The following DAB1 variants were observed in gnomAD, a reference collection of about 807,000 sequenced individuals.
DAB1 encodes the protein DAB adaptor protein 1.
In DAB1, 15 loss-of-function variants were observed where a neutral mutation model predicts 64.6. The observed-to-expected ratio is 0.23, with a 90% confidence interval of 0.16 to 0.36. DAB1 has a LOEUF of 0.36. Among genes scored for constraint, DAB1 ranks in the 10% least tolerant of loss-of-function variants. The pLI, the probability that DAB1 is intolerant of heterozygous loss-of-function variation, is 1.00. For missense variants in DAB1, 596 were observed against 706.7 expected, an observed-to-expected ratio of 0.84 and a Z score of 1.78; for synonymous variants, 235 against 251.9, an observed-to-expected ratio of 0.93 and a Z score of 0.64.
intron 6 of DAB1, among the ~76,000 whole-genome samples, chr1:57,687,599 C>CAAAAAAAAAAAAAAAAAAAAAA (rs57316234): frequency 3.6e-4 from 30 of 82,438 alleles, no homozygotes; most frequent in Admixed American, 6.7e-4. Context: ...TCTTAAGAAA[C>CAAAAAAAAAAAAAAAAAAAAAA]AAAAAAAAAA....
At position 57,895,432 on chromosome 1, in the gene DAB1, TA is replaced by T. The variant is rs1317673103; in HGVS notation, n.388-11271del. On this transcript the variant is annotated intron_variant and non_coding_transcript_variant, in intron 5 of 20. Transcript: ENST00000485760. ...AGGGTTGTGGCCTTAACCATCACAT[TA>T]TTGCCTCTAGATATTCCAGAAACAA... 2.8e-4 allele frequency among the ~76,000 whole-genome samples: 42 copies of T among 152,154 alleles called. 1 individual carries two copies. The highest frequency in any genetic ancestry group is 3.7e-4 in the Non-Finnish European group (25 of 68,026).
At chr1:57,259,122 C>T (rs1485944393) in intron 2 of DAB1, among the ~76,000 whole-genome samples, 1 of 152,220 alleles carries the variant, frequency 6.6e-6, no homozygotes, top group Non-Finnish European at 1.5e-5. Context: ...ATATAAACCA[C>T]AGTCACAACT....
At chr1:58,251,078 A>G (rs1212331724) in intron 4 of DAB1, among the ~76,000 whole-genome samples, 3 of 152,206 alleles carry the variant, frequency 2.0e-5, no homozygotes, top group African/African-American at 7.2e-5. Context: ...TTCTTCATCT[A>G]CAAAATGGGA....
intron 4 of DAB1, among the ~76,000 whole-genome samples, chr1:57,110,979 T>C (rs970930236): frequency 3.3e-5 from 5 of 151,808 alleles, no homozygotes; most frequent in Non-Finnish European, 7.4e-5. Context: ...ATATATATTA[T>C]TGAATAAACA....
At chr1:58,110,626 A>G (rs1651918836) in intron 5 of DAB1, among the ~76,000 whole-genome samples, 1 of 152,224 alleles carries the variant, frequency 6.6e-6, no homozygotes, top group South Asian at 2.1e-4. Context: ...CCTGGATTCA[A>G]ATCTGATCCT....
At chr1:57,971,405 A>T (rs1025971516) in intron 5 of DAB1, among the ~76,000 whole-genome samples, 1 of 152,102 alleles carries the variant, frequency 6.6e-6, no homozygotes, top group African/African-American at 2.4e-5. Context: ...ATCCTTTGAC[A>T]GTAACAACTA....
chr1:57,686,166 A>C (rs917602107), intron 6 of DAB1, among the ~76,000 whole-genome samples: 1 of 152,200 alleles, frequency 6.6e-6, no homozygotes, highest in Admixed American at 6.6e-5. Flanking sequence ...AGCTAGATTA[A>C]CAAAAAAAGG....
chr1:57,267,562 A>G (rs1261839624), intron 2 of DAB1, among the ~76,000 whole-genome samples: 1 of 152,212 alleles, frequency 6.6e-6, no homozygotes, highest in Non-Finnish European at 1.5e-5. Context: ...CTCTGGAGAA[A>G]GATGCCTCCA....
At chr1:57,600,102 C>T (rs994360276) in intron 7 of DAB1, among the ~76,000 whole-genome samples, 1 of 152,116 alleles carries the variant, frequency 6.6e-6, no homozygotes, top group East Asian at 1.9e-4. Context: ...TGTCTCTGTG[C>T]CCCCTTAGTG....
At chr1:58,236,765 T>G (rs539056239) in intron 4 of DAB1, among the ~76,000 whole-genome samples, 6 of 152,308 alleles carry the variant, frequency 3.9e-5, no homozygotes, top group Admixed American at 3.9e-4. Context: ...ACAGGCCAAA[T>G]GTCAATGCTA....
chr1:57,914,317 C>A (rs1644693019), intron 5 of DAB1, among the ~76,000 whole-genome samples: 2 of 151,006 alleles, frequency 1.3e-5, no homozygotes, highest in African/African-American at 4.9e-5. Context: ...AGCTGGAAAC[C>A]ATTATTCTCA....
chr1:58,463,355 C>T (rs1275315143), intron 3 of DAB1, among the ~76,000 whole-genome samples: 2 of 152,186 alleles, frequency 1.3e-5, no homozygotes, highest in African/African-American at 4.8e-5. Context: ...GGCCAGACAA[C>T]TTGACAAGGG....
At chr1:58,299,965 TA>T (rs1175432756) in intron 4 of DAB1, among the ~76,000 whole-genome samples, 1 of 152,148 alleles carries the variant, frequency 6.6e-6, no homozygotes, top group African/African-American at 2.4e-5. Context: ...AAGGACAGGA[TA>T]AAAGCCTTCC....
intron 2 of DAB1, among the ~76,000 whole-genome samples, chr1:57,255,829 T>C (rs544988833): frequency 5.9e-5 from 9 of 152,326 alleles, no homozygotes; most frequent in Admixed American, 5.9e-4. Context: ...TAAACAGTTG[T>C]AAATATCTAC....
intron 7 of DAB1, among the ~76,000 whole-genome samples, chr1:57,532,921 C>A (rs1644682721): frequency 6.6e-6 from 1 of 152,024 alleles, no homozygotes; most frequent in African/African-American, 2.4e-5. Context: ...ATTTAATAAC[C>A]CCTAGTAACA....
At chr1:57,084,977 A>G (rs1364692761) in intron 4 of DAB1, among the ~76,000 whole-genome samples, 1 of 152,216 alleles carries the variant, frequency 6.6e-6, no homozygotes, top group Non-Finnish European at 1.5e-5. Context: ...AACTGTCAGT[A>G]AAAGAAATTA....
At chr1:58,480,867 C>CTTTTTTTTTTTTT in intron 3 of DAB1, 1 of 610,552 alleles carries the variant, frequency 1.6e-6, no homozygotes, top group African/African-American at 1.9e-5. Flanking sequence ...CCTGAATATC[C>CTTTTTTTTTTTTT]TTTTTTTTTT....
chr1:57,825,414 G>A (rs1652300554), downstream of DAB1, among the ~76,000 whole-genome samples: 1 of 152,234 alleles, frequency 6.6e-6, no homozygotes, highest in Admixed American at 6.5e-5. Context: ...GGACTGTATA[G>A]AGGAAGGCAC....
intron 1 of DAB1, among the ~76,000 whole-genome samples, chr1:57,312,290 T>C (rs548814836): frequency 5.9e-5 from 9 of 152,064 alleles, no homozygotes; most frequent in Middle Eastern, 3.4e-3. Flanking sequence ...AGGGGACACA[T>C]AATTTTATCT....
Sources: allele counts gnomAD v4.1 joint callset (sites outside exome capture counted in the v4.1 genomes callset), GRCh38; gene constraint gnomAD v4.1.1; transcripts MANE v1.5; gene names NCBI Gene and HGNC (gene_info 2026-07-23, HGNC 2026-07-21).